CTNNA2: variants seen among roughly 807,000 people sequenced by gnomAD.
CTNNA2 encodes catenin alpha-2.
A neutral mutation model predicts 101.0 loss-of-function variants in CTNNA2; 42 were observed. That is an observed-to-expected ratio of 0.42 (90% CI 0.32 to 0.54). The LOEUF is 0.54. CTNNA2 is among the 20% of genes least tolerant of loss of function. The pLI is 0.14. For synonymous variants in CTNNA2, 450 were observed against 456.4 expected (o/e 0.99, Z 0.18); for missense variants, 871 against 1,223.1 (o/e 0.71, Z 4.29).
At chr2:80,338,307 T>C (rs1028856048) in intron 7 of CTNNA2, among the ~76,000 whole-genome samples, 9 of 151,160 alleles carry the variant, frequency 6.0e-5, no homozygotes, top group Non-Finnish European at 1.2e-4. Flanking sequence ...TTTTTCTTTT[T>C]TTTTTTTTTT....
intron 7 of CTNNA2, among the ~76,000 whole-genome samples, chr2:80,370,388 C>A (rs979247273): frequency 1.1e-4 from 16 of 151,954 alleles, no homozygotes; most frequent in African/African-American, 3.9e-4. Context: ...TCACCTTTTA[C>A]TTTATTCATA....
intron 7 of CTNNA2, among the ~76,000 whole-genome samples, chr2:79,922,571 C>T (rs1266410596): frequency 1.3e-5 from 2 of 151,590 alleles, no homozygotes; most frequent in Admixed American, 6.6e-5. Flanking sequence ...CTAATCTCTT[C>T]TGTTGCCCCT....
intron 9 of CTNNA2, among the ~76,000 whole-genome samples, chr2:80,519,221 AT>A (rs1689336097): frequency 6.6e-6 from 1 of 152,190 alleles, no homozygotes; most frequent in Non-Finnish European, 1.5e-5. Flanking sequence ...CAAAAGGAAA[AT>A]GCTGTAGGAA....
intron 7 of CTNNA2, among the ~76,000 whole-genome samples, chr2:80,069,995 G>A (rs62141420): frequency 0.059 from 8,949 of 152,222 alleles, 363 homozygotes; most frequent in Non-Finnish European, 0.089. Flanking sequence ...TAAACTAAGA[G>A]ATCTTCTATA....
At chr2:79,638,758 G>A (rs528586512) in intron 1 of CTNNA2, among the ~76,000 whole-genome samples, 81 of 151,664 alleles carry the variant, frequency 5.3e-4, no homozygotes, top group South Asian at 2.3e-3. Flanking sequence ...ATTTAACTTC[G>A]ACTTTTAAAA....
chr2:80,401,523 C>G (rs1559078940), intron 8 of CTNNA2, among the ~76,000 whole-genome samples: 1 of 152,188 alleles, frequency 6.6e-6, no homozygotes, highest in Non-Finnish European at 1.5e-5. Context: ...GAGATTCTGA[C>G]TTCATGTACC....
chr2:79,367,106 TAAG>T (rs1350573977), intron 3 of CTNNA2, among the ~76,000 whole-genome samples: 3 of 152,112 alleles, frequency 2.0e-5, no homozygotes, highest in Non-Finnish European at 4.4e-5. Flanking sequence ...AGAGGGCTTA[TAAG>T]AAGAGGAAGA....
At chr2:80,571,342 T>C (rs1423550463) in intron 12 of CTNNA2, among the ~76,000 whole-genome samples, 1 of 152,186 alleles carries the variant, frequency 6.6e-6, no homozygotes, top group Admixed American at 6.5e-5. Flanking sequence ...TTCTATCATG[T>C]TGTGGGCCAT....
chr2:80,542,766 T>G (rs930784583), intron 9 of CTNNA2, among the ~76,000 whole-genome samples: 2 of 152,158 alleles, frequency 1.3e-5, no homozygotes, highest in Non-Finnish European at 2.9e-5. Context: ...CACTATTTCA[T>G]AGAATGAGAG....
At chr2:79,367,416 G>A (rs1232510223) in intron 3 of CTNNA2, among the ~76,000 whole-genome samples, 1 of 152,188 alleles carries the variant, frequency 6.6e-6, no homozygotes, top group Non-Finnish European at 1.5e-5. Context: ...CAGGGAAATT[G>A]AAAGTGCAAA....
chr2:80,399,757 C>T (rs1028310747), intron 8 of CTNNA2, among the ~76,000 whole-genome samples: 2 of 152,124 alleles, frequency 1.3e-5, no homozygotes, highest in African/African-American at 4.8e-5. Context: ...GAGAATAATA[C>T]CATTAAGAAT....
At chr2:79,272,899 AT>A (rs570830120) in intron 2 of CTNNA2, among the ~76,000 whole-genome samples, 423 of 152,146 alleles carry the variant, frequency 2.8e-3, no homozygotes, top group African/African-American at 9.8e-3. Flanking sequence ...GTTTTACTTT[AT>A]TAACTAGGTT....
intron 1 of CTNNA2, chr2:79,574,232 T>G (rs1675642334): frequency 6.6e-6 from 1 of 152,174 alleles, no homozygotes; most frequent in Non-Finnish European, 1.5e-5. Context: ...TAACATTTAT[T>G]TTAGGTTCAG....
intron 4 of CTNNA2, among the ~76,000 whole-genome samples, chr2:79,482,983 A>T (rs1362916705): frequency 2.0e-5 from 3 of 152,196 alleles, no homozygotes; most frequent in Non-Finnish European, 2.9e-5. Flanking sequence ...GCAGACTGTC[A>T]ACAGCACTAA....
chr2:79,863,858 T>A (rs1418275776), intron 4 of CTNNA2, among the ~76,000 whole-genome samples: 1 of 152,074 alleles, frequency 6.6e-6, no homozygotes, highest in Non-Finnish European at 1.5e-5. Context: ...AATCTGCCCT[T>A]TGGATTGTTG....
chr2:79,964,995 A>T (rs556157137), intron 7 of CTNNA2, among the ~76,000 whole-genome samples: 1 of 152,252 alleles, frequency 6.6e-6, no homozygotes, highest in East Asian at 1.9e-4. Flanking sequence ...TGTAAATAAC[A>T]CTCCATTAAA....
intron 6 of CTNNA2, among the ~76,000 whole-genome samples, chr2:79,907,789 T>C (rs17261195): frequency 0.19 from 28,912 of 152,222 alleles, 2,878 homozygotes; most frequent in Admixed American, 0.22. Context: ...GCTTTCTAAA[T>C]TGAAAAGAGG....
chr2:80,445,455 A>G (rs1033453532), intron 9 of CTNNA2, among the ~76,000 whole-genome samples: 2 of 152,186 alleles, frequency 1.3e-5, no homozygotes, highest in Admixed American at 6.5e-5. Context: ...TGCTGACATT[A>G]CAGGTGTGTG....
intron 2 of CTNNA2, among the ~76,000 whole-genome samples, chr2:79,280,685 A>AGAGAG (rs1553390858): frequency 0.029 from 2,537 of 88,346 alleles, 112 homozygotes; most frequent in East Asian, 0.055. Context: ...GAGAGAGAGA[A>AGAGAG]AGAGAGAGAG....
Sources: allele counts gnomAD v4.1 joint callset (sites outside exome capture counted in the v4.1 genomes callset), GRCh38; gene constraint gnomAD v4.1.1; transcripts MANE v1.5; gene names NCBI Gene and HGNC (gene_info 2026-07-23, HGNC 2026-07-21).